Variants in KCNIP1 observed in about 807,000 individuals in gnomAD.
The protein encoded by KCNIP1 is potassium voltage-gated channel interacting protein 1.
Under a neutral mutation model 33.0 loss-of-function variants are expected in KCNIP1, and 18 were observed. That is an observed-to-expected ratio of 0.55 (90% CI 0.38 to 0.81). The LOEUF (loss-of-function observed/expected upper bound fraction) is 0.81, where lower values mean the gene tolerates loss of function less well. KCNIP1 is among the 30% of genes least tolerant of loss of function. The pLI is 0.00. For synonymous variants in KCNIP1, 93 were observed against 98.3 expected, an observed-to-expected ratio of 0.95 and a Z score of 0.32; for missense variants, 238 against 271.6, an observed-to-expected ratio of 0.88 and a Z score of 0.87.
chr5:170,650,069 G>A (rs931470382), intron 1 of KCNIP1, among the ~76,000 whole-genome samples: 1 of 152,100 alleles, frequency 6.6e-6, no homozygotes, highest in Admixed American at 6.5e-5. Context: ...CATCAGAGGG[G>A]AGAGAAAAGG....
chr5:170,656,992 C>CTTTT lies in KCNIP1; in HGVS notation c.62-61763_62-61762insTTTT, dbSNP rs11397076. Reference sequence around the variant, plus strand: ...CTGTCTTTTCTTTTCTTTTTTCTTTCTTTCTTTTTTTTTTTTTTTTTGAGA... The same window carrying CTTTT: ...CTGTCTTTTCTTTTCTTTTTTCTTTCTTTTTTTCTTTTTTTTTTTTTTTTTGAGA... On this transcript the variant is annotated intron_variant, in intron 1 of 7. Transcript: ENST00000328939. 3.8e-4 allele frequency among the ~76,000 whole-genome samples: 44 copies of CTTTT among 116,444 alleles called. 1 individual carries two copies. Among genetic ancestry groups the CTTTT allele is most frequent in the African/African-American group, 1.1e-3 (30 of 27,656 alleles). The allele number at this position is 116,444 out of a possible 152,430, so 76.4% of individuals were successfully genotyped here.
chr5:170,515,845 G>A (rs2113284232), intron 1 of KCNIP1, among the ~76,000 whole-genome samples: 1 of 152,330 alleles, frequency 6.6e-6, no homozygotes, highest in East Asian at 1.9e-4. Flanking sequence ...TATCTGAGGG[G>A]CAGGGGCTGG....
chr5:170,562,327 C>T (rs1757061488), intron 1 of KCNIP1, among the ~76,000 whole-genome samples: 3 of 152,178 alleles, frequency 2.0e-5, no homozygotes, highest in African/African-American at 7.2e-5. Flanking sequence ...GCAATGGGCA[C>T]AGCAGCTTCC....
intron 1 of KCNIP1, among the ~76,000 whole-genome samples, chr5:170,618,169 C>G (rs59270100): frequency 6.6e-6 from 1 of 151,964 alleles, no homozygotes; most frequent in Non-Finnish European, 1.5e-5. Context: ...AACATCCGGG[C>G]GTAATCACAG....
At chr5:170,651,036 G>T (rs1761024375) in intron 1 of KCNIP1, among the ~76,000 whole-genome samples, 1 of 152,196 alleles carries the variant, frequency 6.6e-6, no homozygotes, top group South Asian at 2.1e-4. Flanking sequence ...GGAAATTTAG[G>T]CCCAAAGCCA....
chr5:170,531,046 A>G (rs1755769425), intron 1 of KCNIP1, among the ~76,000 whole-genome samples: 1 of 152,160 alleles, frequency 6.6e-6, no homozygotes, highest in African/African-American at 2.4e-5. Flanking sequence ...GCATAAACCA[A>G]CTAGAATAGA....
chr5:170,493,131 C>T (rs905871316), intron 1 of KCNIP1, among the ~76,000 whole-genome samples: 1 of 152,202 alleles, frequency 6.6e-6, no homozygotes, highest in South Asian at 2.1e-4. Context: ...ACCAGTCCCG[C>T]CCACTTGGTT....
intron 1 of KCNIP1, among the ~76,000 whole-genome samples, chr5:170,457,468 C>T (rs1756410746): frequency 1.3e-5 from 2 of 152,196 alleles, no homozygotes; most frequent in Non-Finnish European, 2.9e-5. Context: ...ACCTCAAATA[C>T]TGTGCTGGTA....
At chr5:170,592,432 A>G (rs980700496) in intron 1 of KCNIP1, among the ~76,000 whole-genome samples, 1 of 135,406 alleles carries the variant, frequency 7.4e-6, no homozygotes, top group African/African-American at 3.8e-5. Context: ...CACAGCTAGA[A>G]AATGACACAG....
At chr5:170,607,881 C>G (rs955348089) in intron 1 of KCNIP1, among the ~76,000 whole-genome samples, 1 of 152,134 alleles carries the variant, frequency 6.6e-6, no homozygotes, top group Admixed American at 6.5e-5. Context: ...CCCTCTTCTC[C>G]CCTCACAGCC....
At chr5:170,628,341 C>T (rs1023473127) in intron 1 of KCNIP1, among the ~76,000 whole-genome samples, 1 of 152,170 alleles carries the variant, frequency 6.6e-6, no homozygotes, top group African/African-American at 2.4e-5. Context: ...GCATCTCATC[C>T]TCACAACAGC....
At chr5:170,703,146 C>T (rs1223283572) in intron 1 of KCNIP1, among the ~76,000 whole-genome samples, 1 of 137,566 alleles carries the variant, frequency 7.3e-6, no homozygotes, top group Non-Finnish European at 1.5e-5. Context: ...CTGTCTTCTC[C>T]ACATTGCTTG....
At chr5:170,406,191 G>T (rs953175296) in intron 1 of KCNIP1, among the ~76,000 whole-genome samples, 1 of 152,224 alleles carries the variant, frequency 6.6e-6, no homozygotes, top group Non-Finnish European at 1.5e-5. Flanking sequence ...GGGAAATTGG[G>T]ATCACCATGA....
chr5:170,461,293 GA>G (rs1367238037), intron 1 of KCNIP1, among the ~76,000 whole-genome samples: 11 of 152,118 alleles, frequency 7.2e-5, no homozygotes, highest in Non-Finnish European at 1.5e-4. Flanking sequence ...ATTCTTCACA[GA>G]ATTAGAAAAA....
intron 1 of KCNIP1, among the ~76,000 whole-genome samples, chr5:170,356,012 C>T (rs1048018819): frequency 1.6e-4 from 24 of 152,150 alleles, no homozygotes; most frequent in African/African-American, 5.1e-4. Context: ...GTGTTCTACC[C>T]GATCCAGGTG....
intron 1 of KCNIP1, among the ~76,000 whole-genome samples, chr5:170,683,048 T>C (rs1762413941): frequency 6.6e-6 from 1 of 152,226 alleles, no homozygotes; most frequent in East Asian, 1.9e-4. Context: ...TTGCAGTTTT[T>C]GTTTTATTAC....
intron 1 of KCNIP1, among the ~76,000 whole-genome samples, chr5:170,687,274 C>T (rs564958890): frequency 4.6e-5 from 7 of 152,060 alleles, no homozygotes; most frequent in East Asian, 1.9e-4. Context: ...CTCCGCCTCC[C>T]GGGTTCAAGC....
chr5:170,626,243 A>T (rs568473656), intron 1 of KCNIP1, among the ~76,000 whole-genome samples: 32 of 152,340 alleles, frequency 2.1e-4, no homozygotes, highest in Non-Finnish European at 3.5e-4. Context: ...TCATGCAGGT[A>T]GGAGCATCTG....
intron 1 of KCNIP1, among the ~76,000 whole-genome samples, chr5:170,598,837 T>C (rs1758561165): frequency 6.6e-6 from 1 of 151,758 alleles, no homozygotes; most frequent in Admixed American, 6.6e-5. Context: ...AGCAGGATAC[T>C]GAATGCAAAC....
Sources: allele counts gnomAD v4.1 joint callset (sites outside exome capture counted in the v4.1 genomes callset), GRCh38; gene constraint gnomAD v4.1.1; transcripts MANE v1.5; gene names NCBI Gene and HGNC (gene_info 2026-07-23, HGNC 2026-07-21).